The following SNX29 variants were observed in gnomAD, a reference collection of about 807,000 sequenced individuals.
SNX29 encodes sorting nexin-29.
In SNX29, 78 loss-of-function variants were observed where a neutral mutation model predicts 102.1. The ratio of observed to expected loss-of-function variants is 0.76; its 90% confidence interval spans 0.64 to 0.92. The LOEUF (loss-of-function observed/expected upper bound fraction) is 0.92, where lower values mean the gene tolerates loss of function less well. Ranked by LOEUF, SNX29 falls within the 40% of genes least tolerant of loss-of-function variation. The pLI is 0.00. For synonymous variants in SNX29, 580 were observed against 414.5 expected (o/e 1.40, Z -4.85); for missense variants, 1,280 against 1,061.7 (o/e 1.21, Z -2.86).
At chr16:12,177,648 C>A (rs1567281410) in intron 13 of SNX29, among the ~76,000 whole-genome samples, 1 of 152,214 alleles carries the variant, frequency 6.6e-6, no homozygotes, top group East Asian at 1.9e-4. Context: ...ACATCTCTTA[C>A]AATTCACCCA....
chr16:12,556,060 T>C (rs374309250), intron 20 of SNX29, among the ~76,000 whole-genome samples: 19 of 151,596 alleles, frequency 1.3e-4, no homozygotes, highest in African/African-American at 4.6e-4. Flanking sequence ...AAAGGGTGCT[T>C]TTCTTATTAA....
At chr16:12,375,986 T>C (rs1323311102) in intron 16 of SNX29, 2 of 124,260 alleles carry the variant, frequency 1.6e-5, no homozygotes, top group African/African-American at 6.4e-5. Context: ...TGAGCCAAGA[T>C]CGACCCACTA....
At chr16:12,125,377 C>T (rs1361012229) in intron 11 of SNX29, among the ~76,000 whole-genome samples, 4 of 152,136 alleles carry the variant, frequency 2.6e-5, no homozygotes, top group Non-Finnish European at 5.9e-5. Context: ...TACCAGAGTA[C>T]TGCTTTGGCT....
intron 13 of SNX29, among the ~76,000 whole-genome samples, chr16:12,170,206 G>A (rs1252943869): frequency 1.3e-5 from 2 of 152,078 alleles, no homozygotes; most frequent in Non-Finnish European, 2.9e-5. Flanking sequence ...GCTCTAGATG[G>A]TGGGGGCAGA....
chr16:12,100,446 A>G (rs2052965023), intron 11 of SNX29, among the ~76,000 whole-genome samples: 1 of 152,134 alleles, frequency 6.6e-6, no homozygotes, highest in South Asian at 2.1e-4. Context: ...CTAGGAATCC[A>G]TAAGCAGAAG....
chr16:12,179,176 A>C lies in SNX29; in HGVS notation c.1596-20425A>C, dbSNP rs147875983. ...CACTACTACAACAATATAATTGCCA[A>C]GAACATATAAAAATATTGGCTTGTG... On this transcript the variant is annotated intron_variant, in intron 13 of 20. Transcript: ENST00000566228. Among the ~76,000 whole-genome samples the C allele has an allele frequency of 1.8e-3, 278 of 152,356 alleles. 1 individual carries two copies. The highest frequency in any genetic ancestry group is 6.4e-3 in the African/African-American group (266 of 41,586).
chr16:12,460,182 A>G (rs2086719100), intron 18 of SNX29, among the ~76,000 whole-genome samples: 1 of 152,222 alleles, frequency 6.6e-6, no homozygotes, highest in Admixed American at 6.5e-5. Flanking sequence ...GTTTTGCCGA[A>G]TGAGACTTCA....
Position 12,059,099 on chromosome 16 carries a change from G to A in SNX29, c.1125-2429G>A, listed in dbSNP as rs74008655. Among the ~76,000 whole-genome samples the A allele has an allele frequency of 8.4e-3, 1,272 of 152,274 alleles. 21 individuals carry two copies. Among genetic ancestry groups the A allele is most frequent in the African/African-American group, 0.029 (1,212 of 41,560 alleles). On this transcript the variant is annotated intron_variant, in intron 8 of 20. Coordinates refer to ENST00000566228, the MANE Select transcript of SNX29 (RefSeq NM_032167.5). ...CTTTAATGTAACTCATTTTGAGGCG[G>A]TGGTCCTTGGGGCTCACTTCTCGGG...
intron 19 of SNX29, among the ~76,000 whole-genome samples, chr16:12,511,657 C>G (rs1442375412): frequency 6.6e-6 from 1 of 152,148 alleles, no homozygotes; most frequent in Non-Finnish European, 1.5e-5. Flanking sequence ...ATTTTCTGTT[C>G]TAACATTTAG....
chr16:11,983,088 G>T (rs1216955481), intron 1 of SNX29, among the ~76,000 whole-genome samples: 1 of 151,860 alleles, frequency 6.6e-6, no homozygotes, highest in Non-Finnish European at 1.5e-5. Flanking sequence ...GCACCACCAC[G>T]CCTGGCTAAT....
At chr16:12,034,479 G>A (rs1273888950) in intron 4 of SNX29, among the ~76,000 whole-genome samples, 2 of 152,222 alleles carry the variant, frequency 1.3e-5, no homozygotes, top group African/African-American at 4.8e-5. Context: ...GCTGGCTTTA[G>A]GGAGGAAGTC....
chr16:12,266,426 G>C (rs2078930766), intron 14 of SNX29, among the ~76,000 whole-genome samples: 1 of 152,148 alleles, frequency 6.6e-6, no homozygotes. Flanking sequence ...AGTCCATGTT[G>C]TCACCTGTGC....
At chr16:12,255,672 C>T (rs534779028) in intron 14 of SNX29, among the ~76,000 whole-genome samples, 1 of 152,224 alleles carries the variant, frequency 6.6e-6, no homozygotes, top group African/African-American at 2.4e-5. Context: ...AGCATAATAT[C>T]CTCCACGTTT....
At chr16:12,095,974 A>G (rs551603584) in intron 11 of SNX29, among the ~76,000 whole-genome samples, 1 of 152,244 alleles carries the variant, frequency 6.6e-6, no homozygotes, top group Non-Finnish European at 1.5e-5. Flanking sequence ...CGGCAGCTCC[A>G]GAAATGAAGT....
chr16:12,318,816 G>T (rs931680462), intron 15 of SNX29, among the ~76,000 whole-genome samples: 2 of 152,084 alleles, frequency 1.3e-5, no homozygotes, highest in Admixed American at 1.3e-4. Context: ...ACGTGTCCAC[G>T]TGTAAGTGTG....
chr16:12,193,578 TCAGGTTAGGTATGATTTTCTC>T (rs1263525298), intron 13 of SNX29, among the ~76,000 whole-genome samples: 2 of 152,198 alleles, frequency 1.3e-5, no homozygotes, highest in African/African-American at 4.8e-5. Context: ...TTTGTCTAAC[TCAGGTTAGGTATGATTTTCTC>T]CAACATTTTC....
At chr16:12,228,250 C>T (rs1398120641) in intron 14 of SNX29, among the ~76,000 whole-genome samples, 1 of 152,254 alleles carries the variant, frequency 6.6e-6, no homozygotes, top group Non-Finnish European at 1.5e-5. Context: ...GATATTGACA[C>T]CATACTGCTA....
chr16:12,364,798 A>G (rs1309956801), intron 16 of SNX29, among the ~76,000 whole-genome samples: 1 of 152,114 alleles, frequency 6.6e-6, no homozygotes, highest in Non-Finnish European at 1.5e-5. Context: ...AGCAGAAAAG[A>G]TGGCCTGGCT....
chr16:12,465,370 A>G (rs539242915), intron 18 of SNX29, among the ~76,000 whole-genome samples: 11 of 152,252 alleles, frequency 7.2e-5, no homozygotes, highest in Admixed American at 6.5e-4. Context: ...TCTTTAATCT[A>G]TTTCATGATA....
Sources: allele counts gnomAD v4.1 joint callset (sites outside exome capture counted in the v4.1 genomes callset), GRCh38; gene constraint gnomAD v4.1.1; transcripts MANE v1.5; gene names NCBI Gene and HGNC (gene_info 2026-07-23, HGNC 2026-07-21).